Variants in GDPD5 observed in about 807,000 individuals in gnomAD.
GDPD5 encodes the protein glycerophosphodiester phosphodiesterase domain containing 5.
Under a neutral mutation model 75.1 loss-of-function variants are expected in GDPD5, and 48 were observed. That is an observed-to-expected ratio of 0.64 (90% CI 0.51 to 0.81). GDPD5 has a LOEUF of 0.81. Among genes scored for constraint, GDPD5 ranks in the 40% least tolerant of loss-of-function variants. The pLI is 0.00. For missense variants in GDPD5, 706 were observed against 822.6 expected (o/e 0.86, Z 1.73); for synonymous variants, 336 against 339.0 (o/e 0.99, Z 0.10).
In GDPD5 at chr11:75,442,459, G is replaced by A; in HGVS notation, c.1071C>T (p.Leu357=). Residue 357 remains leucine, a synonymous_variant, in exon 12 of 17, where the codon CTC becomes CTT. Transcript: ENST00000336898. ...GCTCCCGGGGCGGGTCACGCAGGTT[G>A]AGCAGCAGTGTGGCATTGCCCTTGG... The part of the protein sequence containing the change: ...ELAKGNATLL[L]NLRDPPREHP... 1 of 1,613,660 alleles carries A rather than the reference G, an allele frequency of 6.2e-7. No individual in the cohort carries two copies. The highest frequency in any genetic ancestry group is 8.5e-7 in the Non-Finnish European group (1 of 1,179,840).
intron 1 of GDPD5, among the ~76,000 whole-genome samples, chr11:75,522,093 C>G (rs372633198): frequency 3.5e-4 from 53 of 152,228 alleles, no homozygotes; most frequent in African/African-American, 1.1e-3. Context: ...CTCCCTACCT[C>G]TCGGCTTACC....
At chr11:75,505,386 A>T (rs1592148995) in intron 1 of GDPD5, among the ~76,000 whole-genome samples, 1 of 136,924 alleles carries the variant, frequency 7.3e-6, no homozygotes, top group Admixed American at 7.5e-5. Context: ...GCAGTGCCCC[A>T]GAGGAGAGCA....
chr11:75,502,752 G>A (rs976793656), intron 1 of GDPD5, among the ~76,000 whole-genome samples: 23 of 152,168 alleles, frequency 1.5e-4, no homozygotes, highest in Admixed American at 3.3e-4. Context: ...ACTCCTACTA[G>A]AGCCCTGCAC....
At chr11:75,485,045 T>C (rs976686738) in intron 2 of GDPD5, among the ~76,000 whole-genome samples, 13 of 152,158 alleles carry the variant, frequency 8.5e-5, no homozygotes, top group Admixed American at 5.2e-4. Context: ...CAAAAAGCAA[T>C]GGAGAGACCT....
At chr11:75,448,952 G>A (rs1259213608) in intron 9 of GDPD5, 25 bp downstream of exon 9, 2 of 1,542,778 alleles carry the variant, frequency 1.3e-6, no homozygotes, top group Non-Finnish European at 8.7e-7. Context: ...CAACGGGGCT[G>A]TTAGGACCCT....
chr11:75,516,374 G>A (rs779702525), intron 1 of GDPD5, among the ~76,000 whole-genome samples: 1 of 152,194 alleles, frequency 6.6e-6, no homozygotes, highest in Non-Finnish European at 1.5e-5. Context: ...CCTAATGCCT[G>A]AGCCAGTCAC....
chr11:75,505,373 A>T (rs1214047377), intron 1 of GDPD5, among the ~76,000 whole-genome samples: 1 of 152,018 alleles, frequency 6.6e-6, no homozygotes, highest in Admixed American at 6.5e-5. Flanking sequence ...TCACCACCTA[A>T]AAGCAGTGCC....
At chr11:75,486,750 A>G (rs1414813182) in intron 2 of GDPD5, among the ~76,000 whole-genome samples, 1 of 152,136 alleles carries the variant, frequency 6.6e-6, no homozygotes, top group East Asian at 1.9e-4. Flanking sequence ...CTGGGTCACT[A>G]TCTCTTCTGG....
intron 1 of GDPD5, among the ~76,000 whole-genome samples, chr11:75,499,728 G>A (rs1029431676): frequency 2.6e-5 from 4 of 152,202 alleles, no homozygotes; most frequent in Non-Finnish European, 4.4e-5. Context: ...GTAATTGAGA[G>A]CTGGGCCCAG....
intron 1 of GDPD5, among the ~76,000 whole-genome samples, chr11:75,509,905 C>T (rs188844009): frequency 0.011 from 1,717 of 152,316 alleles, 18 homozygotes; most frequent in Middle Eastern, 0.02. Flanking sequence ...GTCTCGAACT[C>T]CTGACCTCAA....
chr11:75,473,841 G>A (rs756332432), intron 3 of GDPD5, among the ~76,000 whole-genome samples: 2 of 152,166 alleles, frequency 1.3e-5, no homozygotes, highest in African/African-American at 2.4e-5. Flanking sequence ...GGCCAGCTCG[G>A]GCAAGCCTTC....
At chr11:75,444,301 C>A in intron 10 of GDPD5, 112 bp downstream of exon 10, 1 of 770,348 alleles carries the variant, frequency 1.3e-6, no homozygotes, top group South Asian at 1.5e-5. Context: ...TCTAAGTCTT[C>A]CTCCTCCCAT....
At chr11:75,514,511 A>G (rs1241567607) in intron 1 of GDPD5, among the ~76,000 whole-genome samples, 1 of 152,256 alleles carries the variant, frequency 6.6e-6, no homozygotes, top group African/African-American at 2.4e-5. Flanking sequence ...CTTTTGGAGC[A>G]TGCATTAAGC....
At chr11:75,441,933 T>A in intron 12 of GDPD5, 130 bp from the exon 13 acceptor site, 1 of 930,726 alleles carries the variant, frequency 1.1e-6, no homozygotes, top group Non-Finnish European at 1.6e-6. Context: ...ATGAAGTCAT[T>A]AGCAGGGCAG....
intron 1 of GDPD5, among the ~76,000 whole-genome samples, chr11:75,491,705 T>C (rs1312074074): frequency 6.6e-6 from 1 of 152,210 alleles, no homozygotes; most frequent in Non-Finnish European, 1.5e-5. Context: ...TCTCCTTAGG[T>C]ATAAAATACT....
rs141005869 is a variant in GDPD5 at position 75,442,408 on chromosome 11, G to A, written c.1122C>T (p.Asn374=). The A allele has an allele frequency of 7.1e-4, 1,134 of 1,597,528 alleles. 18 individuals carry two copies. In the East Asian group the frequency reaches 0.024, roughly 33 times the overall value. Residue 374 remains asparagine (N), a synonymous_variant, in exon 12 of 17, where the codon AAC becomes AAT. Coordinates refer to ENST00000336898, the MANE Select transcript of GDPD5 (RefSeq NM_030792.8). ...REHPYRSSFI[N]VTLEAVLHSG... is the part of the protein sequence containing the mutation. ...AGTGCAGCACGGCCTCCAGAGTCAC[G>A]TTGATAAAACTGCTGCGGTAGGGGT...
At chr11:75,520,109 G>A (rs1370847512) in intron 1 of GDPD5, among the ~76,000 whole-genome samples, 3 of 152,212 alleles carry the variant, frequency 2.0e-5, no homozygotes, top group African/African-American at 4.8e-5. Context: ...GGAAGGTGGT[G>A]GGAACTGTGA....
intron 1 of GDPD5, among the ~76,000 whole-genome samples, chr11:75,500,272 G>T (rs1297309568): frequency 1.3e-5 from 2 of 152,032 alleles, no homozygotes; most frequent in African/African-American, 4.8e-5. Flanking sequence ...CCCCTTCCCA[G>T]CTCTCCTCCC....
intron 1 of GDPD5, among the ~76,000 whole-genome samples, chr11:75,507,646 A>T (rs1040707881): frequency 6.6e-6 from 1 of 152,220 alleles, no homozygotes; most frequent in African/African-American, 2.4e-5. Context: ...CTGAGTGACA[A>T]GCCAAGAATC....
Sources: allele counts gnomAD v4.1 joint callset (sites outside exome capture counted in the v4.1 genomes callset), GRCh38; gene constraint gnomAD v4.1.1; transcripts MANE v1.5; gene names NCBI Gene and HGNC (gene_info 2026-07-23, HGNC 2026-07-21).